Variants in GRM5 observed in about 807,000 individuals in gnomAD.
The protein encoded by GRM5 is glutamate metabotropic receptor 5, also known as metabotropic glutamate receptor 5.
In GRM5, 19 loss-of-function variants were observed where a neutral mutation model predicts 83.1. That is an observed-to-expected ratio of 0.23 (90% confidence interval 0.16 to 0.34). The LOEUF is 0.34. Ranked by LOEUF, GRM5 falls within the 10% of genes least tolerant of loss-of-function variation. The pLI is 1.00. For missense variants in GRM5, 1,160 were observed against 1,588.3 expected (o/e 0.73, Z 4.58); for synonymous variants, 675 against 633.6 (o/e 1.07, Z -0.98).
intron 6 of GRM5, 79 bp from the exon 7 acceptor site, chr11:88,590,806 T>G (rs1471563575): frequency 2.7e-6 from 3 of 1,127,158 alleles, no homozygotes; most frequent in Non-Finnish European, 3.9e-6. Flanking sequence ...TGTGCTGTTT[T>G]GCAAAGCAGA....
chr11:88,557,037 AT>A (rs1265104032), intron 8 of GRM5, among the ~76,000 whole-genome samples: 5 of 152,222 alleles, frequency 3.3e-5, no homozygotes, highest in African/African-American at 4.8e-5. Flanking sequence ...GCTTGAGAAA[AT>A]AAATCCACCA....
intron 8 of GRM5, among the ~76,000 whole-genome samples, chr11:88,546,586 T>C: frequency 6.6e-6 from 1 of 152,114 alleles, no homozygotes; most frequent in East Asian, 1.9e-4. Flanking sequence ...TGTATACACA[T>C]ATATATGTTC....
chr11:88,888,675 G>A (rs866573670), intron 2 of GRM5, among the ~76,000 whole-genome samples: 19 of 152,010 alleles, frequency 1.2e-4, no homozygotes, highest in African/African-American at 2.7e-4. Context: ...TGTGCAAACC[G>A]GTAAAAGAAA....
At chr11:89,016,509 A>ACCC in intron 2 of GRM5, among the ~76,000 whole-genome samples, 1 of 152,230 alleles carries the variant, frequency 6.6e-6, no homozygotes, top group Non-Finnish European at 1.5e-5. Flanking sequence ...TTGTGGTGGT[A>ACCC]GTATTTGCTA....
chr11:88,556,449 A>C (rs1334809580), intron 8 of GRM5, among the ~76,000 whole-genome samples: 4 of 151,524 alleles, frequency 2.6e-5, no homozygotes, highest in Non-Finnish European at 5.9e-5. Flanking sequence ...CAGTCTCCCA[A>C]GTAGCTGGGA....
intron 2 of GRM5, among the ~76,000 whole-genome samples, chr11:88,969,216 A>C (rs1009279110): frequency 2.0e-5 from 3 of 152,028 alleles, no homozygotes; most frequent in African/African-American, 7.3e-5. Context: ...TGCTTTAAAA[A>C]ATTTTCATAT....
chr11:88,981,778 A>G (rs770541877), intron 2 of GRM5, among the ~76,000 whole-genome samples: 17 of 152,192 alleles, frequency 1.1e-4, no homozygotes, highest in African/African-American at 1.9e-4. Context: ...TACCTTCTAT[A>G]GCCCTCACTT....
intron 1 of GRM5, among the ~76,000 whole-genome samples, chr11:89,055,702 T>C (rs1439892620): frequency 6.6e-6 from 1 of 151,824 alleles, no homozygotes; most frequent in Non-Finnish European, 1.5e-5. Context: ...AAAATTTTAA[T>C]ATGAAATCTC....
chr11:88,514,258 C>A lies in GRM5; in HGVS notation c.2727-4754G>T, dbSNP rs190884208. Among the ~76,000 whole-genome samples, 146 of 152,242 alleles carry A rather than the reference C, an allele frequency of 9.6e-4. 1 individual carries two copies. Among genetic ancestry groups the A allele is most frequent in the African/African-American group, 3.3e-3 (137 of 41,556 alleles). On this transcript the variant is annotated intron_variant, in intron 9 of 9. Transcript: ENST00000305447. ...TTCTGAAAAACAAAAAGCAGCATAT[C>A]AATAATGTTATTTGAGGATTAAGTT...
At chr11:88,835,709 A>G (rs184797857) in intron 3 of GRM5, among the ~76,000 whole-genome samples, 1 of 152,348 alleles carries the variant, frequency 6.6e-6, no homozygotes, top group East Asian at 1.9e-4. Context: ...TTATTGATAC[A>G]ATTTAGCAAA....
At chr11:88,667,122 C>A (rs1032381930) in intron 3 of GRM5, among the ~76,000 whole-genome samples, 1 of 152,052 alleles carries the variant, frequency 6.6e-6, no homozygotes, top group African/African-American at 2.4e-5. Flanking sequence ...TTTAAGAACT[C>A]AATGGATGTG....
chr11:89,062,268 C>T (rs1278073091), intron 1 of GRM5, among the ~76,000 whole-genome samples: 2 of 152,162 alleles, frequency 1.3e-5, no homozygotes, highest in Non-Finnish European at 2.9e-5. Flanking sequence ...ATAAAGCACA[C>T]CTAACAAGAG....
At chr11:88,795,411 T>C (rs1943258007) in intron 3 of GRM5, among the ~76,000 whole-genome samples, 1 of 152,130 alleles carries the variant, frequency 6.6e-6, no homozygotes. Context: ...ACTATGCAGT[T>C]GGAAGAGAAG....
chr11:88,637,947 C>G (rs1939182409), intron 4 of GRM5, among the ~76,000 whole-genome samples: 1 of 151,618 alleles, frequency 6.6e-6, no homozygotes, highest in Non-Finnish European at 1.5e-5. Context: ...AAATGTGGCA[C>G]ATATACACCA....
At chr11:88,755,588 T>C (rs562160352) in intron 3 of GRM5, among the ~76,000 whole-genome samples, 4 of 152,152 alleles carry the variant, frequency 2.6e-5, no homozygotes, top group Non-Finnish European at 2.9e-5. Flanking sequence ...TATCCACCCC[T>C]GCTAAGACAA....
chr11:88,646,110 G>A (rs2135293825), intron 4 of GRM5, among the ~76,000 whole-genome samples: 1 of 152,168 alleles, frequency 6.6e-6, no homozygotes, highest in East Asian at 1.9e-4. Context: ...GGAAACTACT[G>A]GAGATGACAG....
chr11:88,850,196 G>T, intron 2 of GRM5, 41 bp from the exon 3 acceptor site: 2 of 870,860 alleles, frequency 2.3e-6, no homozygotes, highest in Non-Finnish European at 3.8e-6. Context: ...AGTGAAATGA[G>T]AGTGTTGCAT....
At chr11:89,006,885 C>A (rs1940544694) in intron 2 of GRM5, among the ~76,000 whole-genome samples, 1 of 152,230 alleles carries the variant, frequency 6.6e-6, no homozygotes, top group Non-Finnish European at 1.5e-5. Context: ...GCAAGCTCCG[C>A]CTCCCGGGTT....
chr11:89,060,080 C>A (rs1482582079), intron 1 of GRM5, among the ~76,000 whole-genome samples: 2 of 152,084 alleles, frequency 1.3e-5, no homozygotes, highest in Admixed American at 1.3e-4. Context: ...CAACATACTA[C>A]AACTCACTGG....
Sources: gnomAD v4.1 joint callset for allele counts (sites outside exome capture counted in the v4.1 genomes callset) on GRCh38, gnomAD v4.1.1 for gene constraint, MANE v1.5 for transcripts, NCBI Gene and HGNC (gene_info 2026-07-23, HGNC 2026-07-21) for gene names.